Variants in KDM8 observed in about 807,000 individuals in gnomAD.
KDM8 encodes the protein bifunctional peptidase and arginyl-hydroxylase JMJD5.
In KDM8, 35 loss-of-function variants were observed where a neutral mutation model predicts 46.9. The observed-to-expected ratio is 0.75, with a 90% CI of 0.57 to 0.99. The LOEUF (loss-of-function observed/expected upper bound fraction) is 0.99, where lower values mean the gene tolerates loss of function less well. Among genes scored for constraint, KDM8 ranks in the 50% least tolerant of loss-of-function variants. The pLI is 0.00. For synonymous variants in KDM8, 232 were observed against 227.7 expected, an observed-to-expected ratio of 1.02 and a Z score of -0.17; for missense variants, 475 against 537.0, an observed-to-expected ratio of 0.88 and a Z score of 1.14.
chr16:27,204,015 C>G, intron 1 of KDM8: 1 of 1,255,794 alleles, frequency 8.0e-7, no homozygotes, highest in Non-Finnish European at 1.1e-6. Flanking sequence ...ATATGTGTGT[C>G]CGCTGCTTTT....
intron 3 of KDM8, 33 bp downstream of exon 3, chr16:27,213,784 T>C (rs1273883340): frequency 1.9e-6 from 3 of 1,608,376 alleles, no homozygotes; most frequent in South Asian, 2.2e-5. Context: ...GAGGTCCCTT[T>C]TCCCATTTTA....
At position 27,220,575 on chromosome 16, in the gene KDM8, G is replaced by A. The variant is rs754436649; in HGVS notation, c.1096G>A (p.Glu366Lys). The change falls in exon 8 of 8, where the codon GAG (glutamate) becomes AAG (lysine). Residue 366 changes from glutamate (E) to lysine (K), a missense_variant. Coordinates refer to ENST00000286096, the MANE Select transcript of KDM8 (RefSeq NM_024773.3). ...CCTTTGCTTTCTTCAGGTTGACGTGGAGAATCCCGACCTGGAAAAGTTCCC... is the reference window on the plus strand; with the variant it reads ...CCTTTGCTTTCTTCAGGTTGACGTGAAGAATCCCGACCTGGAAAAGTTCCC... ...LLHNTSQVDV[E>K]NPDLEKFPKF... 6.2e-7 allele frequency: 1 copy of A among 1,614,178 alleles called. No individual in the cohort carries two copies. Among genetic ancestry groups the A allele is most frequent in the Non-Finnish European group, 8.5e-7 (1 of 1,180,034 alleles).
At chr16:27,219,250 C>A in intron 6 of KDM8, 140 bp downstream of exon 6, 1 of 921,160 alleles carries the variant, frequency 1.1e-6, no homozygotes, top group Non-Finnish European at 1.6e-6. Context: ...AAATATAAAG[C>A]AAACCCACAA....
intron 1 of KDM8, among the ~76,000 whole-genome samples, chr16:27,206,417 C>T (rs978174864): frequency 6.6e-6 from 1 of 152,128 alleles, no homozygotes; most frequent in Non-Finnish European, 1.5e-5. Flanking sequence ...GGATTATAGG[C>T]GTGGACCACC....
rs778515668 is a variant in KDM8 at position 27,221,424 on chromosome 16, A to T, written c.*694A>T. On this transcript the variant is annotated 3_prime_UTR_variant, in exon 8 of 8. Coordinates refer to ENST00000286096, the MANE Select transcript of KDM8 (RefSeq NM_024773.3). ...GCAGTGGGAGCTTTCTGTCATCCCC[A>T]TGGCTCAAGGATAACCTACCTGCCT... is the stretch of plus-strand genomic sequence containing the variant. The T allele has an allele frequency of 6.3e-6, 1 of 157,956 alleles. No individual in the cohort carries two copies. The allele number at this position is 157,956 out of a possible 1,614,324, so 9.8% of individuals were successfully genotyped here.
intron 6 of KDM8, 129 bp downstream of exon 6, chr16:27,219,239 A>G: frequency 6.6e-6 from 7 of 1,067,092 alleles, no homozygotes; most frequent in Non-Finnish European, 9.3e-6. Context: ...GATGAGGACA[A>G]AAATATAAAG....
chr16:27,214,924 A>T lies in KDM8; in HGVS notation c.714A>T (p.Glu238Asp). ...EIAGCRTVPV[E>D]VGSRYTDEEW... The stretch of plus-strand genomic sequence containing the variant: ...CTGGCTGCCGAACTGTCCCAGTGGA[A>T]GTTGGTTCGAGGTACACAGATGAGG... The change falls in exon 4 of 8, where the codon GAA becomes GAT. Residue 238 changes from glutamate (E) to aspartate (D), a missense_variant. Glu to Asp is a conservative substitution (Grantham distance 45). Coordinates refer to ENST00000286096, the MANE Select transcript of KDM8 (RefSeq NM_024773.3). 6.2e-7 allele frequency: 1 copy of T among 1,614,194 alleles called. No individual in the cohort carries two copies. The highest frequency in any genetic ancestry group is 8.5e-7 in the Non-Finnish European group (1 of 1,180,018).
intron 5 of KDM8, among the ~76,000 whole-genome samples, chr16:27,217,949 C>T (rs576717607): frequency 8.7e-4 from 132 of 151,974 alleles, no homozygotes; most frequent in Admixed American, 1.4e-3. Context: ...AACTGAGGTG[C>T]CTGCTAAGGG....
chr16:27,220,387 C>T lies in KDM8; in HGVS notation c.994-6C>T, dbSNP rs141940572. The T allele has an allele frequency of 1.3e-3, 2,162 of 1,613,280 alleles. 33 individuals are homozygous for T. In the African/African-American group the frequency reaches 0.026, roughly 19 times the overall value. The stretch of plus-strand genomic sequence containing the variant: ...ACCAGCTGACTGTCAGGGTCTCTCT[C>T]CCCAGGTGATGGGGAGGAAGTACAT... On this transcript the variant is annotated splice_region_variant and splice_polypyrimidine_tract_variant and intron_variant, in intron 6 of 7. Transcript: ENST00000286096.
chr16:27,216,299 C>G (rs113084596), intron 5 of KDM8, among the ~76,000 whole-genome samples: 2,514 of 151,952 alleles, frequency 0.017, 86 homozygotes, highest in African/African-American at 0.058. Context: ...TGGAGCAGTT[C>G]AAGACCGGTG....
At chr16:27,210,819 G>C (rs139036297) in intron 2 of KDM8, among the ~76,000 whole-genome samples, 198 bp downstream of exon 2, 20 of 152,360 alleles carry the variant, frequency 1.3e-4, no homozygotes, top group African/African-American at 4.6e-4. Context: ...CTGGAGTGCA[G>C]TAGTGTGATC....
chr16:27,216,417 G>T (rs895613564), intron 5 of KDM8, among the ~76,000 whole-genome samples: 1 of 152,146 alleles, frequency 6.6e-6, no homozygotes. Flanking sequence ...GAGCTGGGGC[G>T]CCCAGGAGGG....
At position 27,213,661 on chromosome 16, in the gene KDM8, T is replaced by G; in HGVS notation, c.575T>G (p.Leu192Arg). Residue 192 changes from leucine to arginine, a missense_variant, in exon 3 of 8, where the codon CTC becomes CGC. By Grantham distance (102) the Leu-to-Arg change is moderately radical. Transcript: ENST00000286096. ...KTVPRLHRPS[L>R]QHFREQFLVP... ...GTCCCCCGGCTGCACCGTCCGTCCC[T>G]CCAGCATTTCAGGGAGCAGTTTTTG... is the stretch of plus-strand genomic sequence containing the variant. 1 of 1,614,204 alleles carries G rather than the reference T, an allele frequency of 6.2e-7. No individual in the cohort carries two copies. The highest frequency in any genetic ancestry group is 1.7e-5 in the Admixed American group (1 of 60,024).
intron 6 of KDM8, 34 bp downstream of exon 6, chr16:27,219,144 C>T (rs1483926103): frequency 6.4e-7 from 1 of 1,570,976 alleles, no homozygotes; most frequent in Middle Eastern, 1.7e-4. Context: ...GGCCTTCTAA[C>T]TCCTCCTGGC....
In KDM8 at chr16:27,219,086, TC is replaced by T; in HGVS notation, c.973del (p.Gln325SerfsTer5). ...QGTISPLHQD[P>X]QQNFLVQVMG... Reference sequence around the variant, plus strand: ...GAACCATCTCCCCACTACATCAGGATCCCCAGCAAAACTTCCTAGTGCAGGT... The same window carrying T: ...GAACCATCTCCCCACTACATCAGGATCCCAGCAAAACTTCCTAGTGCAGGT... On this transcript the variant is annotated frameshift_variant, in exon 6 of 8. Transcript: ENST00000286096. LOFTEE classifies it high-confidence loss of function. 4 of 1,612,478 alleles carry T rather than the reference TC, an allele frequency of 2.5e-6. No individual in the cohort carries two copies. Among genetic ancestry groups the T allele is most frequent in the Non-Finnish European group, 3.4e-6 (4 of 1,179,134 alleles).
At chr16:27,214,284 G>A (rs575795483) in intron 3 of KDM8, 4 of 155,858 alleles carry the variant, frequency 2.6e-5, no homozygotes, top group African/African-American at 9.6e-5. Context: ...TTGTGGTTTC[G>A]CGGAGGGAAT....
chr16:27,217,565 G>T (rs2083569255), intron 5 of KDM8, among the ~76,000 whole-genome samples: 1 of 152,228 alleles, frequency 6.6e-6, no homozygotes, highest in Non-Finnish European at 1.5e-5. Context: ...GTCCTAAGCA[G>T]CAGGCGCGGC....
intron 1 of KDM8, among the ~76,000 whole-genome samples, chr16:27,206,523 C>T (rs1449817406): frequency 6.6e-6 from 1 of 152,230 alleles, no homozygotes; most frequent in African/African-American, 2.4e-5. Context: ...CCACCCTCCT[C>T]AGCCTCCCAA....
chr16:27,204,034 A>G (rs2083402960), intron 1 of KDM8: 2 of 1,460,368 alleles, frequency 1.4e-6, no homozygotes, highest in Admixed American at 2.1e-5. Context: ...TTAGGCAACC[A>G]GCCGCTGCCC....
Sources: gnomAD v4.1 joint callset for allele counts (sites outside exome capture counted in the v4.1 genomes callset) on GRCh38, gnomAD v4.1.1 for gene constraint, MANE v1.5 for transcripts, NCBI Gene and HGNC (gene_info 2026-07-23, HGNC 2026-07-21) for gene names.